The following PLXNC1 variants were observed in gnomAD, a reference collection of about 807,000 sequenced individuals.
PLXNC1 encodes the protein plexin C1.
PLXNC1 carries 75 observed loss-of-function variants against 178.2 expected under a neutral mutation model. That is an observed-to-expected ratio of 0.42 (90% CI 0.35 to 0.51). PLXNC1 has a LOEUF of 0.51. PLXNC1 is among the 20% of genes least tolerant of loss of function. The pLI, the probability that PLXNC1 is intolerant of heterozygous loss-of-function variation, is 0.02. For missense variants in PLXNC1, 1,503 were observed against 1,984.4 expected (o/e 0.76, Z 4.61); for synonymous variants, 790 against 779.9 (o/e 1.01, Z -0.22).
chr12:94,172,793 A>T (rs1156348371), intron 2 of PLXNC1, among the ~76,000 whole-genome samples: 1 of 152,234 alleles, frequency 6.6e-6, no homozygotes, highest in Non-Finnish European at 1.5e-5. Context: ...GTATCTTTAA[A>T]GACATGCATT....
chr12:94,198,979 T>C (rs143272270), intron 4 of PLXNC1, among the ~76,000 whole-genome samples: 1 of 152,200 alleles, frequency 6.6e-6, no homozygotes, highest in East Asian at 1.9e-4. Context: ...TGAGGGAAGA[T>C]GGACAGTGTG....
chr12:94,265,675 G>A (rs571613990), intron 21 of PLXNC1, among the ~76,000 whole-genome samples: 111 of 152,280 alleles, frequency 7.3e-4, no homozygotes, highest in African/African-American at 2.6e-3. Context: ...CCCATGCAAC[G>A]TGACGCCCTT....
chr12:94,192,494 G>A (rs555822313), intron 4 of PLXNC1, among the ~76,000 whole-genome samples: 1 of 151,560 alleles, frequency 6.6e-6, no homozygotes, highest in African/African-American at 2.4e-5. Context: ...CAAATCCTTA[G>A]TGGTCTAAAA....
At chr12:94,209,758 G>T in intron 5 of PLXNC1, 54 bp downstream of exon 5, 1 of 1,071,566 alleles carries the variant, frequency 9.3e-7, no homozygotes, top group Non-Finnish European at 1.4e-6. Context: ...TTTGCACAGC[G>T]GATGCTAAAT....
chr12:94,200,941 A>C (rs564663332), intron 4 of PLXNC1, among the ~76,000 whole-genome samples: 1 of 152,212 alleles, frequency 6.6e-6, no homozygotes, highest in Non-Finnish European at 1.5e-5. Flanking sequence ...GTGAACAAAA[A>C]TCAATGAAAT....
chr12:94,263,584 G>T lies in PLXNC1; in HGVS notation c.3451-1495G>T, dbSNP rs183881061. ...TTCTGATCTGTGCTGGAGGAAAAGA[G>T]GTTCTAAGTTTTGTGGTCAGGGCAT... On this transcript the variant is annotated intron_variant, in intron 20 of 30. Coordinates refer to ENST00000258526, the MANE Select transcript of PLXNC1 (RefSeq NM_005761.3). 2.7e-4 allele frequency among the ~76,000 whole-genome samples: 41 copies of T among 152,300 alleles called. 1 individual carries two copies. The East Asian group carries it at 7.9e-3, about 29-fold the overall frequency.
chr12:94,217,829 T>G (rs1310515589), intron 5 of PLXNC1, among the ~76,000 whole-genome samples: 1 of 152,230 alleles, frequency 6.6e-6, no homozygotes, highest in South Asian at 2.1e-4. Context: ...CTATAAGCTC[T>G]TTGAGGGCAA....
rs1285958025 is a variant in PLXNC1 at position 94,149,363 on chromosome 12, G to T, written c.392G>T (p.Arg131Leu). 2.1e-6 allele frequency: 3 copies of T among 1,425,390 alleles called. No homozygotes were observed. Among genetic ancestry groups the T allele is most frequent in the Non-Finnish European group, 2.7e-6 (3 of 1,099,892 alleles). 88.3% of individuals were successfully genotyped at this position (1,425,390 alleles called of 1,614,324 possible). ...GLLLTGWTFD[R>L]GACEVRPLGN... Reference sequence around the variant, plus strand: ...CTGCTCACCGGCTGGACCTTCGACCGGGGCGCCTGCGAGGTGCGGCCCCTG... The same window carrying T: ...CTGCTCACCGGCTGGACCTTCGACCTGGGCGCCTGCGAGGTGCGGCCCCTG... The change falls in exon 1 of 31, where the codon CGG becomes CTG. Residue 131 changes from arginine to leucine, a missense_variant. Transcript: ENST00000258526.
chr12:94,279,428 T>G (rs1346959510), intron 21 of PLXNC1, 44 bp from the exon 22 acceptor site: 1 of 1,552,034 alleles, frequency 6.4e-7, no homozygotes, highest in South Asian at 1.2e-5. Flanking sequence ...CCTTTCAGAT[T>G]GCAATTATCT....
intron 11 of PLXNC1, among the ~76,000 whole-genome samples, chr12:94,242,590 A>AACTCC (rs1348153997): frequency 3.3e-5 from 5 of 152,134 alleles, no homozygotes; most frequent in African/African-American, 1.2e-4. Flanking sequence ...GCTTCAACAT[A>AACTCC]CATTTTATGG....
In PLXNC1 at chr12:94,305,607, G is replaced by A; in HGVS notation, c.*322G>A. The A allele has an allele frequency of 4.3e-6, 1 of 230,568 alleles. No individual in the cohort carries two copies. Among genetic ancestry groups the A allele is most frequent in the South Asian group, 9.9e-5 (1 of 10,150 alleles). The allele number at this position is 230,568 out of a possible 1,614,324, so 14.3% of individuals were successfully genotyped here. On this transcript the variant is annotated 3_prime_UTR_variant, in exon 31 of 31. Coordinates refer to ENST00000258526, the MANE Select transcript of PLXNC1 (RefSeq NM_005761.3). ...TCTCCACTTAAGCACAATGATATAA[G>A]TGGTTTTGTTTGAAAACTACAGCTA...
intron 5 of PLXNC1, among the ~76,000 whole-genome samples, chr12:94,214,648 A>G (rs977913454): frequency 6.6e-6 from 1 of 152,256 alleles, no homozygotes; most frequent in South Asian, 2.1e-4. Flanking sequence ...ATATTTAAAT[A>G]TCAATAACCT....
intron 2 of PLXNC1, 63 bp downstream of exon 2, chr12:94,169,356 A>C: frequency 7.3e-7 from 1 of 1,369,360 alleles, no homozygotes; most frequent in Non-Finnish European, 9.9e-7. Flanking sequence ...CTTTAAAAAA[A>C]CATTTTTTTA....
chr12:94,196,342 C>T (rs1962912255), intron 4 of PLXNC1, among the ~76,000 whole-genome samples: 1 of 152,114 alleles, frequency 6.6e-6, no homozygotes, highest in Non-Finnish European at 1.5e-5. Context: ...AGCGAGTTCT[C>T]ACTCTGAGTT....
At chr12:94,270,037 T>C (rs759282211) in intron 21 of PLXNC1, among the ~76,000 whole-genome samples, 1 of 152,256 alleles carries the variant, frequency 6.6e-6, no homozygotes, top group Non-Finnish European at 1.5e-5. Flanking sequence ...ATTTACTTTT[T>C]TTCTTTATAG....
At chr12:94,184,500 G>A (rs543902423) in intron 3 of PLXNC1, among the ~76,000 whole-genome samples, 10 of 151,912 alleles carry the variant, frequency 6.6e-5, no homozygotes, top group African/African-American at 2.2e-4. Context: ...TTGGCTCACT[G>A]CAACCTCCAC....
At chr12:94,150,105 G>T (rs1023984463) in intron 1 of PLXNC1, 72 bp downstream of exon 1, 19 of 1,255,636 alleles carry the variant, frequency 1.5e-5, no homozygotes, top group Non-Finnish European at 1.6e-5. Flanking sequence ...GAGGCAGAAC[G>T]AGCTGGGGGC....
chr12:94,174,919 C>T (rs1018373466), intron 2 of PLXNC1, among the ~76,000 whole-genome samples: 30 of 152,150 alleles, frequency 2.0e-4, no homozygotes, highest in African/African-American at 7.0e-4. Flanking sequence ...ACTTTTAGTC[C>T]CATATAATCC....
chr12:94,259,839 A>AG, intron 19 of PLXNC1, 105 bp downstream of exon 19: 1 of 949,676 alleles, frequency 1.1e-6, no homozygotes, highest in Non-Finnish European at 1.5e-6. Flanking sequence ...CAAGGCAGGC[A>AG]ATCACTTGAG....
Sources: gnomAD v4.1 joint callset for allele counts (sites outside exome capture counted in the v4.1 genomes callset) on GRCh38, gnomAD v4.1.1 for gene constraint, MANE v1.5 for transcripts, NCBI Gene and HGNC (gene_info 2026-07-23, HGNC 2026-07-21) for gene names.